Variants in DDX10 observed in about 807,000 individuals in gnomAD.
The protein encoded by DDX10 is probable ATP-dependent RNA helicase DDX10.
DDX10 carries 74 observed loss-of-function variants against 104.3 expected under a neutral mutation model. That is an observed-to-expected ratio of 0.71 (90% CI 0.59 to 0.86). The LOEUF is 0.86. DDX10 is among the 40% of genes least tolerant of loss of function. The pLI is 0.00. For missense variants in DDX10, 952 were observed against 1,040.0 expected (o/e 0.92, Z 1.16); for synonymous variants, 351 against 353.4 (o/e 0.99, Z 0.08).
intron 13 of DDX10, among the ~76,000 whole-genome samples, chr11:108,772,353 T>C (rs1179416431): frequency 6.6e-6 from 1 of 152,114 alleles, no homozygotes; most frequent in Non-Finnish European, 1.5e-5. Flanking sequence ...ACAAGTGTCA[T>C]GATGGGAGAG....
chr11:108,771,353 TTTTTTTTC>T (rs1323736615), intron 13 of DDX10, among the ~76,000 whole-genome samples: 7 of 151,788 alleles, frequency 4.6e-5, no homozygotes, highest in African/African-American at 9.7e-5. Flanking sequence ...AAGTTTTTTC[TTTTTTTTC>T]TTTTTTTCTT....
chr11:108,869,197 G>T (rs1300187661), intron 16 of DDX10, among the ~76,000 whole-genome samples: 39 of 147,884 alleles, frequency 2.6e-4, no homozygotes, highest in Non-Finnish European at 5.2e-4. Flanking sequence ...TAAACCCGTT[G>T]TTTTTTTTTT....
intron 9 of DDX10, among the ~76,000 whole-genome samples, chr11:108,703,891 A>T (rs889826173): frequency 6.6e-6 from 1 of 152,200 alleles, no homozygotes; most frequent in African/African-American, 2.4e-5. Flanking sequence ...TGTAATGTAA[A>T]ATAGGTAAAA....
At chr11:108,762,764 C>G (rs991146945) in intron 13 of DDX10, among the ~76,000 whole-genome samples, 27 of 152,104 alleles carry the variant, frequency 1.8e-4, no homozygotes, top group African/African-American at 6.3e-4. Context: ...TACATTTTTA[C>G]CCTCACATTT....
chr11:108,724,959 C>T (rs1332659922), intron 13 of DDX10, among the ~76,000 whole-genome samples: 9 of 152,142 alleles, frequency 5.9e-5, no homozygotes, highest in East Asian at 1.9e-4. Context: ...AATAGAACAG[C>T]GTCATCACCC....
At chr11:108,852,241 C>G (rs1283512486) in intron 16 of DDX10, 32 bp downstream of exon 16, 1 of 1,570,924 alleles carries the variant, frequency 6.4e-7, no homozygotes, top group Non-Finnish European at 8.7e-7. Context: ...TTTTTCCAAG[C>G]TCTATTAAGG....
chr11:108,903,493 A>G lies in DDX10; in HGVS notation c.2305-14380A>G, dbSNP rs1344629093. ...ATGAAAAATAGTTGAAAAAAATTGC[A>G]TCTGTACTGAACATGCACAGACATT... On this transcript the variant is annotated intron_variant, in intron 16 of 17. Coordinates refer to ENST00000322536, the MANE Select transcript of DDX10 (RefSeq NM_004398.4). 2.0e-5 allele frequency among the ~76,000 whole-genome samples: 3 copies of G among 152,184 alleles called. No individual in the cohort carries two copies. The East Asian group carries it at 5.8e-4, about 29-fold the overall frequency.
chr11:108,814,639 A>G (rs1437334441), intron 13 of DDX10, among the ~76,000 whole-genome samples: 1 of 152,206 alleles, frequency 6.6e-6, no homozygotes, highest in Non-Finnish European at 1.5e-5. Flanking sequence ...AAAATCTTGA[A>G]TCTTAGAGTA....
intron 13 of DDX10, among the ~76,000 whole-genome samples, chr11:108,761,070 T>A (rs1358154977): frequency 1.3e-5 from 2 of 152,122 alleles, no homozygotes; most frequent in Non-Finnish European, 2.9e-5. Context: ...ATATAAGGTA[T>A]AAAATGAAAA....
chr11:108,741,396 G>A (rs1393123730), intron 13 of DDX10, among the ~76,000 whole-genome samples: 2 of 152,072 alleles, frequency 1.3e-5, no homozygotes, highest in Non-Finnish European at 2.9e-5. Context: ...ATTGTTTTGG[G>A]CAGTATGGCC....
At chr11:108,786,645 G>A (rs1591817931) in intron 13 of DDX10, among the ~76,000 whole-genome samples, 1 of 152,156 alleles carries the variant, frequency 6.6e-6, no homozygotes, top group South Asian at 2.1e-4. Flanking sequence ...TTGGTTTAAA[G>A]TCTGTTTTAT....
chr11:108,872,310 C>T (rs573567441), intron 16 of DDX10, among the ~76,000 whole-genome samples: 2 of 152,084 alleles, frequency 1.3e-5, no homozygotes, highest in Non-Finnish European at 2.9e-5. Flanking sequence ...CCTTTAAGAT[C>T]ATTGTGTTCT....
At chr11:108,874,776 A>G (rs1863129764) in intron 16 of DDX10, among the ~76,000 whole-genome samples, 1 of 152,142 alleles carries the variant, frequency 6.6e-6, no homozygotes, top group African/African-American at 2.4e-5. Flanking sequence ...ACATCTCAAA[A>G]GCTCATTTCA....
rs764693557 is a variant in DDX10, at chr11:108,665,344, G to A, written c.186+5G>A. The A allele has an allele frequency of 1.3e-6, 2 of 1,571,152 alleles. No individual in the cohort carries two copies. Among genetic ancestry groups the A allele is most frequent in the South Asian group, 2.3e-5 (2 of 85,456 alleles). On this transcript the variant is annotated splice_donor_5th_base_variant and intron_variant, in intron 1 of 17. Coordinates refer to ENST00000322536, the MANE Select transcript of DDX10 (RefSeq NM_004398.4). The stretch of plus-strand genomic sequence containing the variant: ...CTCATGCAGAACTATGAAAAGGTGA[G>A]GCCGGCGCTGGGGAGGGGGCTCGGG...
At chr11:108,820,384 G>A (rs994666026) in intron 13 of DDX10, among the ~76,000 whole-genome samples, 2 of 152,210 alleles carry the variant, frequency 1.3e-5, no homozygotes, top group Admixed American at 1.3e-4. Context: ...TCAGGTAGGG[G>A]AAGGAATTGA....
Position 108,745,887 on chromosome 11 carries a change from G to A in DDX10, c.1965+22425G>A, listed in dbSNP as rs1160468971. On this transcript the variant is annotated intron_variant, in intron 13 of 17. Transcript: ENST00000322536. ...CATTGTTTTTCTTTTAGTGTGTCTT[G>A]TTCCTTTTGATAATAGCTTTTTTGA... 3.3e-5 allele frequency among the ~76,000 whole-genome samples: 5 copies of A among 152,018 alleles called. No individual in the cohort carries two copies. The East Asian group carries it at 9.6e-4, about 29-fold the overall frequency.
chr11:108,909,169 G>A (rs1026358508), intron 16 of DDX10, among the ~76,000 whole-genome samples: 3 of 152,230 alleles, frequency 2.0e-5, no homozygotes, highest in Admixed American at 2.0e-4. Flanking sequence ...AGAGGGTGGA[G>A]CTTTTAGCCC....
intron 13 of DDX10, among the ~76,000 whole-genome samples, chr11:108,800,171 C>T (rs554092623): frequency 2.1e-4 from 31 of 151,200 alleles, no homozygotes; most frequent in African/African-American, 5.8e-4. Context: ...TGACCGAGCG[C>T]GGTGGCTCAC....
chr11:108,893,301 A>G (rs1170696337), intron 16 of DDX10, among the ~76,000 whole-genome samples: 1 of 152,024 alleles, frequency 6.6e-6, no homozygotes, highest in East Asian at 1.9e-4. Flanking sequence ...TCTTTTGTGG[A>G]ATGAATTTTG....
Sources: gnomAD v4.1 joint callset for allele counts (sites outside exome capture counted in the v4.1 genomes callset) on GRCh38, gnomAD v4.1.1 for gene constraint, MANE v1.5 for transcripts, NCBI Gene and HGNC (gene_info 2026-07-23, HGNC 2026-07-21) for gene names.